The following RNASET2 variants were observed in gnomAD, a reference collection of about 807,000 sequenced individuals.
RNASET2 encodes ribonuclease T2.
A neutral mutation model predicts 33.9 loss-of-function variants in RNASET2; 28 were observed. The observed-to-expected ratio is 0.83, with a 90% CI of 0.61 to 1.13. The LOEUF (loss-of-function observed/expected upper bound fraction) is 1.13. RNASET2 is among the 50% of genes most tolerant of loss of function. The pLI, the probability that RNASET2 is intolerant of heterozygous loss-of-function variation, is 0.00. For synonymous variants in RNASET2, 123 were observed against 121.0 expected, an observed-to-expected ratio of 1.02 and a Z score of -0.11; for missense variants, 330 against 319.9, an observed-to-expected ratio of 1.03 and a Z score of -0.24.
rs1562491223 is a variant in RNASET2 at position 166,928,139 on chromosome 6, G to T, written c.*1449C>A. 6.6e-6 allele frequency among the ~76,000 whole-genome samples: 1 copy of T among 152,202 alleles called. No individual in the cohort carries two copies. The highest frequency in any genetic ancestry group is 1.5e-5 in the Non-Finnish European group (1 of 68,032). ...TCTGTCTGTCTGCAGAAGCTGTCAG[G>T]CCTGGCTGGGTGCTGCCTGTCTCAG... is the stretch of plus-strand genomic sequence containing the variant. On this transcript the variant is annotated 3_prime_UTR_variant, in exon 9 of 9. Transcript: ENST00000508775.
rs560205747 is a variant in RNASET2, at chr6:166,930,693, C to CACATGCACACATGCATGT, written c.567+333_567+350dup. Among the ~76,000 whole-genome samples the CACATGCACACATGCATGT allele has an allele frequency of 3.4e-4, 52 of 151,136 alleles. 1 individual carries two copies. The East Asian group carries it at 6.5e-3, about 19-fold the overall frequency. On this transcript the variant is annotated intron_variant, in intron 8 of 8. Coordinates refer to ENST00000508775, the MANE Select transcript of RNASET2 (RefSeq NM_003730.6). ...CACATGTATACTCATGCGCATACAGCACATGCACACATGCATGTACATGCA... is the reference window on the plus strand; with the variant it reads ...CACATGTATACTCATGCGCATACAGCACATGCACACATGCATGTACATGCACACATGCATGTACATGCA...
At chr6:166,949,279 A>G (rs921951367) in intron 2 of RNASET2, among the ~76,000 whole-genome samples, 7 of 150,166 alleles carry the variant, frequency 4.7e-5, no homozygotes, top group African/African-American at 1.5e-4. Context: ...GGAGGTGGGC[A>G]GATCATGAGG....
chr6:166,953,313 C>T (rs1165990755), intron 1 of RNASET2: 1 of 152,324 alleles, frequency 6.6e-6, no homozygotes, highest in Non-Finnish European at 1.5e-5. Flanking sequence ...GGCAGTAGGC[C>T]TCTAGCCAGA....
chr6:166,955,837 C>G (rs560517002), intron 1 of RNASET2: 2 of 875,586 alleles, frequency 2.3e-6, no homozygotes, highest in African/African-American at 1.8e-5. Flanking sequence ...CTCCCCTCAT[C>G]GCACTCCTTC....
chr6:166,955,361 ACGCACACACAAACG>A (rs1779128089), intron 1 of RNASET2: 1 of 266,920 alleles, frequency 3.7e-6, no homozygotes, highest in African/African-American at 3.9e-5. Context: ...GCACACACAC[ACGCACACACAAACG>A]CACACGCACA....
chr6:166,943,279 G>T, intron 4 of RNASET2, 190 bp from the exon 5 acceptor site: 1 of 516,004 alleles, frequency 1.9e-6, no homozygotes, highest in East Asian at 3.8e-5. Context: ...TGCAATTTGA[G>T]TAATCATAAA....
At chr6:166,948,991 G>A (rs1173222447) in intron 2 of RNASET2, among the ~76,000 whole-genome samples, 2 of 152,172 alleles carry the variant, frequency 1.3e-5, no homozygotes, top group Non-Finnish European at 2.9e-5. Context: ...AAGGCGGGTA[G>A]ATCACCTGAG....
intron 1 of RNASET2, among the ~76,000 whole-genome samples, chr6:166,955,175 C>T (rs957520038): frequency 7.6e-6 from 1 of 131,078 alleles, no homozygotes; most frequent in South Asian, 2.6e-4. Flanking sequence ...TGGGCGGCTG[C>T]CACACACACA....
intron 8 of RNASET2, 39 bp from the exon 9 acceptor site, chr6:166,929,830 C>A: frequency 6.4e-7 from 1 of 1,569,562 alleles, no homozygotes; most frequent in South Asian, 1.1e-5. Flanking sequence ...GAATTCAGAT[C>A]TTGGATTATC....
At chr6:166,939,204 G>A (rs1387553051) in intron 5 of RNASET2, among the ~76,000 whole-genome samples, 196 bp from the exon 6 acceptor site, 1 of 152,156 alleles carries the variant, frequency 6.6e-6, no homozygotes, top group Non-Finnish European at 1.5e-5. Flanking sequence ...TGTGGTGGCA[G>A]GTGCCTGAGA....
In RNASET2 at chr6:166,955,246, C is replaced by A. The variant is rs1182395410; in HGVS notation, c.86+851G>T. ...GCGCACACACGCACGCACGCACACA[C>A]ACGCACACACGCACACACACACACG... On this transcript the variant is annotated intron_variant, in intron 1 of 8. Transcript: ENST00000508775. Among the ~76,000 whole-genome samples the A allele has an allele frequency of 4.6e-5, 5 of 109,588 alleles. No individual in the cohort carries two copies. In the South Asian group the frequency reaches 8.2e-4, roughly 18 times the overall value. 71.9% of individuals were successfully genotyped at this position (109,588 alleles called of 152,430 possible).
At chr6:166,937,107 G>A (rs1421727613) in intron 6 of RNASET2, among the ~76,000 whole-genome samples, 5 of 152,128 alleles carry the variant, frequency 3.3e-5, no homozygotes, top group Non-Finnish European at 2.9e-5. Flanking sequence ...TGCTCCAGGA[G>A]CTACCTAAGA....
chr6:166,955,203 A>ACACACGCACGCACACACGCG (rs1779084672), intron 1 of RNASET2, among the ~76,000 whole-genome samples: 1 of 120,718 alleles, frequency 8.3e-6, no homozygotes, highest in Non-Finnish European at 1.6e-5. Flanking sequence ...ACACGCACGC[A>ACACACGCACGCACACACGCG]CACACGCACG....
At position 166,956,198 on chromosome 6, in the gene RNASET2, A is replaced by G. The variant is rs1779162917; in HGVS notation, c.-16T>C. Reference sequence around the variant, plus strand: ...CAGGGCGCATGGTGCCGACCTGCGGAGAGAACGCTGCCAGCTGCCGCTCCG... The same window carrying G: ...CAGGGCGCATGGTGCCGACCTGCGGGGAGAACGCTGCCAGCTGCCGCTCCG... On this transcript the variant is annotated 5_prime_UTR_variant, in exon 1 of 9. Coordinates refer to ENST00000508775, the MANE Select transcript of RNASET2 (RefSeq NM_003730.6). 1 of 1,545,454 alleles carries G rather than the reference A, an allele frequency of 6.5e-7. No individual in the cohort carries two copies. Among genetic ancestry groups the G allele is most frequent in the East Asian group, 2.5e-5 (1 of 40,802 alleles).
Position 166,929,511 on chromosome 6 carries a change from T to C in RNASET2, c.*77A>G, listed in dbSNP as rs916026616. The stretch of plus-strand genomic sequence containing the variant: ...ACAGCAAAATAAACAGACTTCACTT[T>C]GGAGTTGTTTTTTAGAAAGCTGCAG... On this transcript the variant is annotated 3_prime_UTR_variant, in exon 9 of 9. Transcript: ENST00000508775. 3.6e-5 allele frequency: 52 copies of C among 1,433,088 alleles called. No individual in the cohort carries two copies. Among genetic ancestry groups the C allele is most frequent in the Middle Eastern group, 1.8e-4 (1 of 5,466 alleles). The allele number at this position is 1,433,088 out of a possible 1,614,324, so 88.8% of individuals were successfully genotyped here.
chr6:166,933,993 C>T lies in RNASET2; in HGVS notation c.492+98G>A. The T allele has an allele frequency of 1.2e-6, 1 of 856,730 alleles. No individual in the cohort carries two copies. Among genetic ancestry groups the T allele is most frequent in the Non-Finnish European group, 2.0e-6 (1 of 488,670 alleles). 53.1% of individuals were successfully genotyped at this position (856,730 alleles called of 1,614,324 possible). ...CATTTAAGTAGGAAGGGGGTTTGCA[C>T]TGGGGCAATTTACAGCCCATTGACT... On this transcript the variant is annotated intron_variant, in intron 7 of 8. Coordinates refer to ENST00000508775, the MANE Select transcript of RNASET2 (RefSeq NM_003730.6). This position sits in a 1 kb window ranked among gnomAD's most constrained non-coding sequence, Gnocchi z 4.1.
In RNASET2 at chr6:166,938,875, C is replaced by G. The variant is rs372938195; in HGVS notation, c.446+20G>C. On this transcript the variant is annotated intron_variant, in intron 6 of 8. Transcript: ENST00000508775. Reference sequence around the variant, plus strand: ...AGAGATCCCCACTGGGAAGTGCAGCCGGGGGAAGGGCGCACCCACCTGTTG... The same window carrying G: ...AGAGATCCCCACTGGGAAGTGCAGCGGGGGGAAGGGCGCACCCACCTGTTG... 6.4e-7 allele frequency: 1 copy of G among 1,550,942 alleles called. No homozygotes were observed. Among genetic ancestry groups the G allele is most frequent in the Admixed American group, 1.7e-5 (1 of 59,956 alleles).
intron 2 of RNASET2, among the ~76,000 whole-genome samples, chr6:166,951,464 C>T (rs1263787980): frequency 1.3e-5 from 2 of 152,208 alleles, no homozygotes; most frequent in Non-Finnish European, 2.9e-5. Flanking sequence ...GGGTGCCTTC[C>T]CTAGGCACTG....
chr6:166,941,424 C>A (rs948839129), intron 5 of RNASET2, among the ~76,000 whole-genome samples: 8 of 152,222 alleles, frequency 5.3e-5, no homozygotes, highest in African/African-American at 1.9e-4. Flanking sequence ...ACCATAAACT[C>A]ATCATCTGAA....
Sources: allele counts gnomAD v4.1 joint callset (sites outside exome capture counted in the v4.1 genomes callset), GRCh38; gene constraint gnomAD v4.1.1; non-coding constraint Gnocchi (gnomAD v3.1); transcripts MANE v1.5; gene names NCBI Gene and HGNC (gene_info 2026-07-23, HGNC 2026-07-21).